Variants in PIGR observed in about 807,000 individuals in gnomAD.
PIGR encodes hepatocellular carcinoma associated protein TB6.
Under a neutral mutation model 69.5 loss-of-function variants are expected in PIGR, and 22 were observed. The observed-to-expected ratio is 0.32, with a 90% CI of 0.23 to 0.45. The LOEUF (loss-of-function observed/expected upper bound fraction) is 0.45, where lower values mean the gene tolerates loss of function less well. PIGR is among the 20% of genes least tolerant of loss of function. The probability of loss-of-function intolerance (pLI) is 1.00; values close to 1 mark genes in which losing one functional copy is unlikely to be tolerated. For missense variants in PIGR, 885 were observed against 974.0 expected, an observed-to-expected ratio of 0.91 and a Z score of 1.22; for synonymous variants, 413 against 407.6, an observed-to-expected ratio of 1.01 and a Z score of -0.16.
intron 2 of PIGR, among the ~76,000 whole-genome samples, chr1:206,939,749 C>T (rs552063565): frequency 6.6e-6 from 1 of 152,162 alleles, no homozygotes; most frequent in African/African-American, 2.4e-5. Context: ...TGTTTTGAGA[C>T]AAAGTCTCTC....
At chr1:206,932,899 G>A in intron 7 of PIGR, 87 bp downstream of exon 7, 2 of 1,350,508 alleles carry the variant, frequency 1.5e-6, no homozygotes, top group Non-Finnish European at 2.1e-6. Context: ...GAGACAGATG[G>A]GCTTTCCTCC....
In PIGR at chr1:206,939,478, G is replaced by C; in HGVS notation, c.44-15C>G. 1 of 1,566,604 alleles carries C rather than the reference G, an allele frequency of 6.4e-7. No homozygotes were observed. Among genetic ancestry groups the C allele is most frequent in the Non-Finnish European group, 8.7e-7 (1 of 1,146,756 alleles). On this transcript the variant is annotated splice_polypyrimidine_tract_variant and intron_variant, in intron 2 of 10. Coordinates refer to ENST00000356495, the MANE Select transcript of PIGR (RefSeq NM_002644.4). ...CGTGGAGATGGCTGTGGGAACAGAA[G>C]AGAGAGGCTTTCTGAGGCCCTTGGG... is the stretch of plus-strand genomic sequence containing the variant.
chr1:206,934,022 C>A (rs1282082713), intron 6 of PIGR, among the ~76,000 whole-genome samples: 1 of 152,020 alleles, frequency 6.6e-6, no homozygotes, highest in African/African-American at 2.4e-5. Context: ...CCACCATGCC[C>A]AGCTAATTTT....
In PIGR at chr1:206,937,630, G is replaced by T; in HGVS notation, c.510C>A (p.Gly170=). The T allele has an allele frequency of 6.2e-7, 1 of 1,613,778 alleles. No individual in the cohort carries two copies. The stretch of plus-strand genomic sequence containing the variant: ...AGTCGATGACCAGCACAGGGTACAG[G>T]CCTATCTGCTTGTACAAGGACTTCC... The part of the protein sequence containing the change: ...QKRKSLYKQI[G]LYPVLVIDSS... The change falls in exon 4 of 11, where the codon GGC becomes GGA. Residue 170 remains glycine (G), a synonymous_variant. Transcript: ENST00000356495.
In PIGR at chr1:206,930,674, C is replaced by T. The variant is rs936855386; in HGVS notation, c.2200-261G>A. On this transcript the variant is annotated intron_variant, in intron 10 of 10. Transcript: ENST00000356495. The surrounding 1 kb of genome is among the most constrained non-coding windows in gnomAD (Gnocchi z 4.3). ...ACGGAGTGGAACCGCCTCTGTTGCC[C>T]GGGCCTGTCCCCGGAAGCTGCCCAC... is the stretch of plus-strand genomic sequence containing the variant. 6 of 985,266 alleles carry T rather than the reference C, an allele frequency of 6.1e-6. No individual in the cohort carries two copies. The highest frequency in any genetic ancestry group is 5.2e-5 in the African/African-American group (3 of 57,208). The allele number at this position is 985,266 out of a possible 1,614,324, so 61.0% of individuals were successfully genotyped here. A position where few individuals can be genotyped will look rare whatever the true frequency, so the allele number is the denominator to read the frequency against.
At chr1:206,937,839 G>T in intron 3 of PIGR, 88 bp from the exon 4 acceptor site, 2 of 1,220,908 alleles carry the variant, frequency 1.6e-6, no homozygotes, top group Non-Finnish European at 2.3e-6. Flanking sequence ...TCCTAGTTAG[G>T]GTGTGGGTGG....
Position 206,930,447 on chromosome 1 carries a change from G to C in PIGR, c.2200-34C>G. The C allele has an allele frequency of 3.7e-6, 6 of 1,602,418 alleles. No homozygotes were observed. Among genetic ancestry groups the C allele is most frequent in the Non-Finnish European group, 5.1e-6 (6 of 1,174,600 alleles). On this transcript the variant is annotated intron_variant, in intron 10 of 10. Coordinates refer to ENST00000356495, the MANE Select transcript of PIGR (RefSeq NM_002644.4). This position sits in a 1 kb window ranked among gnomAD's most constrained non-coding sequence, Gnocchi z 4.3. ...CAAGAGGAGAGGCATCAGTGTTGGG[G>C]GCACTGGCTCAGTGGGTGGAGTCAG...
chr1:206,939,311 T>G lies in PIGR; in HGVS notation c.196A>C (p.Thr66Pro), dbSNP rs1572646958. ...ACGTAGCCCTCCGAGGAGATGAGGG[T>G]TATGCAGCCACCTCTAGCTCCCTGC... ...CRQGARGGCI[T>P]LISSEGYVSS... The change falls in exon 3 of 11, where the codon ACC becomes CCC. Residue 66 changes from threonine to proline, a missense_variant. Physicochemically the swap from Thr to Pro is conservative, Grantham distance 38. Coordinates refer to ENST00000356495, the MANE Select transcript of PIGR (RefSeq NM_002644.4). The G allele has an allele frequency of 6.2e-7, 1 of 1,614,152 alleles. No homozygotes were observed. The highest frequency in any genetic ancestry group is 8.5e-7 in the Non-Finnish European group (1 of 1,180,032).
rs1405106107 is a variant in PIGR, at chr1:206,930,521, A to G, written c.2200-108T>C. 2.1e-6 allele frequency: 3 copies of G among 1,413,608 alleles called. No homozygotes were observed. In the East Asian group the frequency reaches 8.0e-5, roughly 38 times the overall value. 87.6% of individuals were successfully genotyped at this position (1,413,608 alleles called of 1,614,324 possible). A position where few individuals can be genotyped will look rare whatever the true frequency, so the allele number is the denominator to read the frequency against. On this transcript the variant is annotated intron_variant, in intron 10 of 10. Coordinates refer to ENST00000356495, the MANE Select transcript of PIGR (RefSeq NM_002644.4). The surrounding 1 kb of genome is among the most constrained non-coding windows in gnomAD (Gnocchi z 4.3). The stretch of plus-strand genomic sequence containing the variant: ...TGAATTCGTGATCTTGGTCCAAGCA[A>G]CACAAGCCTTTGGGGCCCACTGTTC...
Position 206,939,318 on chromosome 1 carries a change from G to A in PIGR, c.189C>T (p.Gly63=). The part of the protein sequence containing the change: ...KYWCRQGARG[G]CITLISSEGY... ...CCTCCGAGGAGATGAGGGTTATGCA[G>A]CCACCTCTAGCTCCCTGCCGGCACC... The change falls in exon 3 of 11, where the codon GGC becomes GGT. Residue 63 remains glycine (G), a synonymous_variant. Transcript: ENST00000356495. The A allele has an allele frequency of 2.5e-6, 4 of 1,614,268 alleles. No homozygotes were observed. Among genetic ancestry groups the A allele is most frequent in the Non-Finnish European group, 3.4e-6 (4 of 1,180,052 alleles).
At chr1:206,941,375 G>A (rs558983436) in intron 1 of PIGR, among the ~76,000 whole-genome samples, 18 of 152,294 alleles carry the variant, frequency 1.2e-4, no homozygotes, top group Non-Finnish European at 2.1e-4. Context: ...CCAAATACAA[G>A]AGCATGCTTT....
At position 206,937,550 on chromosome 1, in the gene PIGR, C is replaced by A; in HGVS notation, c.590G>T (p.Gly197Val). ...YTGRIRLDIQ[G>V]TGQLLFSVVI... ...AACGCTGAACAGTAACTGGCCAGTA[C>A]CCTGAATATCAAGGCGTATTCTTCC... is the stretch of plus-strand genomic sequence containing the variant. Residue 197 changes from glycine to valine, a missense_variant, in exon 4 of 11, where the codon GGT becomes GTT. Transcript: ENST00000356495. 6.2e-7 allele frequency: 1 copy of A among 1,614,164 alleles called. No homozygotes were observed. The highest frequency in any genetic ancestry group is 8.5e-7 in the Non-Finnish European group (1 of 1,179,992).
chr1:206,938,077 A>T (rs1250958522), intron 3 of PIGR, among the ~76,000 whole-genome samples: 1 of 152,226 alleles, frequency 6.6e-6, no homozygotes, highest in Non-Finnish European at 1.5e-5. Flanking sequence ...CTCATGTTTG[A>T]CCCCTCTGCT....
At chr1:206,946,067 C>T (rs867384522) in intron 1 of PIGR, among the ~76,000 whole-genome samples, 1 of 152,208 alleles carries the variant, frequency 6.6e-6, no homozygotes, top group Non-Finnish European at 1.5e-5. Flanking sequence ...AGTAGAATTA[C>T]ATATGCTGAC....
At position 206,930,700 on chromosome 1, in the gene PIGR, A is replaced by T; in HGVS notation, c.2200-287T>A. 3 of 985,348 alleles carry T rather than the reference A, an allele frequency of 3.0e-6. No individual in the cohort carries two copies. Among genetic ancestry groups the T allele is most frequent in the Non-Finnish European group, 3.6e-6 (3 of 829,914 alleles). The allele number at this position is 985,348 out of a possible 1,614,324, so 61.0% of individuals were successfully genotyped here. ...GGGCCTGTCCCCGGAAGCTGCCCAC[A>T]CAGTCCACGGGCAAGGTGGCCTAGG... On this transcript the variant is annotated intron_variant, in intron 10 of 10. Transcript: ENST00000356495. The surrounding 1 kb of genome is among the most constrained non-coding windows in gnomAD (Gnocchi z 4.3).
chr1:206,935,720 T>C lies in PIGR; in HGVS notation c.1144A>G (p.Lys382Glu). The part of the protein sequence containing the change: ...PYNRKESKSI[K>E]YWCLWEGAQN... The stretch of plus-strand genomic sequence containing the variant: ...GCCCCTTCCCAGAGACACCAGTACT[T>C]GATGCTTTTGCTTTCCTTACGGTTG... The change falls in exon 5 of 11, where the codon AAG becomes GAG. Residue 382 changes from lysine (K) to glutamate (E), a missense_variant. Physicochemically the swap from Lys to Glu is moderately conservative, Grantham distance 56. Coordinates refer to ENST00000356495, the MANE Select transcript of PIGR (RefSeq NM_002644.4). The surrounding 1 kb of genome is among the most constrained non-coding windows in gnomAD (Gnocchi z 4.4). 1.2e-6 allele frequency: 2 copies of C among 1,614,064 alleles called. No homozygotes were observed. The highest frequency in any genetic ancestry group is 1.7e-6 in the Non-Finnish European group (2 of 1,180,002).
At position 206,937,270 on chromosome 1, in the gene PIGR, G is replaced by A; in HGVS notation, c.870C>T (p.Ala290=). ...GCAGGATCCTGCCCTCAAAGGCTGG[G>A]GCCCTCTTCCCCAGGGTGTTGACGA... ...DVVVNTLGKR[A]PAFEGRILLN... The change falls in exon 4 of 11, where the codon GCC becomes GCT. Residue 290 remains alanine (A), a synonymous_variant. Coordinates refer to ENST00000356495, the MANE Select transcript of PIGR (RefSeq NM_002644.4). The A allele has an allele frequency of 6.2e-7, 1 of 1,613,860 alleles. No individual in the cohort carries two copies. The highest frequency in any genetic ancestry group is 8.5e-7 in the Non-Finnish European group (1 of 1,179,876).
In PIGR at chr1:206,930,115, C is replaced by T. The variant is rs1265453533; in HGVS notation, c.*203G>A. On this transcript the variant is annotated 3_prime_UTR_variant, in exon 11 of 11. Coordinates refer to ENST00000356495, the MANE Select transcript of PIGR (RefSeq NM_002644.4). The surrounding 1 kb of genome is among the most constrained non-coding windows in gnomAD (Gnocchi z 4.3). ...AAAGAAGTTGCAAGTGGGACCTCCT[C>T]ATGCCACCCTCATCCCCAATAGGAA... The T allele has an allele frequency of 1.3e-5, 6 of 451,932 alleles. No individual in the cohort carries two copies. The highest frequency in any genetic ancestry group is 2.3e-5 in the Non-Finnish European group (6 of 257,052). 28.0% of individuals were successfully genotyped at this position (451,932 alleles called of 1,614,324 possible). A position where few individuals can be genotyped will look rare whatever the true frequency, so the allele number is the denominator to read the frequency against.
intron 2 of PIGR, 87 bp from the exon 3 acceptor site, chr1:206,939,550 C>G (rs1002579847): frequency 2.3e-6 from 2 of 855,106 alleles, no homozygotes; most frequent in Non-Finnish European, 3.7e-6. Context: ...ATGTGGTTTT[C>G]TACCTGACAC....
Sources: gnomAD v4.1 joint callset for allele counts (sites outside exome capture counted in the v4.1 genomes callset) on GRCh38, gnomAD v4.1.1 for gene constraint, Gnocchi (gnomAD v3.1) non-coding constraint, MANE v1.5 for transcripts, NCBI Gene and HGNC (gene_info 2026-07-23, HGNC 2026-07-21) for gene names.